CNTN4: variants seen among roughly 807,000 people sequenced by gnomAD.
The protein encoded by CNTN4 is contactin 4, also known as contactin-4.
In CNTN4, 77 loss-of-function variants were observed where a neutral mutation model predicts 122.5. The observed-to-expected ratio is 0.63, with a 90% CI of 0.52 to 0.76. CNTN4 has a LOEUF of 0.76. CNTN4 is among the 30% of genes least tolerant of loss of function. The pLI is 0.00. For missense variants in CNTN4, 1,256 were observed against 1,259.1 expected (o/e 1.00, Z 0.04); for synonymous variants, 512 against 447.0 (o/e 1.15, Z -1.83).
At chr3:2,742,438 T>A (rs1175054141) in intron 5 of CNTN4, among the ~76,000 whole-genome samples, 2 of 152,168 alleles carry the variant, frequency 1.3e-5, no homozygotes, top group Non-Finnish European at 2.9e-5. Flanking sequence ...TTGGTCGGAG[T>A]ACTTTTGCTG....
intron 3 of CNTN4, among the ~76,000 whole-genome samples, chr3:2,546,690 A>G (rs770065227): frequency 2.0e-4 from 31 of 152,282 alleles, no homozygotes; most frequent in South Asian, 1.7e-3. Context: ...CAAAGTCCCA[A>G]TGTAAGAGAC....
chr3:3,034,124 G>T (rs964829796), intron 16 of CNTN4, among the ~76,000 whole-genome samples: 1 of 152,148 alleles, frequency 6.6e-6, no homozygotes, highest in African/African-American at 2.4e-5. Context: ...AATGTGCAGA[G>T]CAACACTGTA....
chr3:2,974,810 A>C (rs1295829539), intron 13 of CNTN4, among the ~76,000 whole-genome samples: 1 of 152,218 alleles, frequency 6.6e-6, no homozygotes, highest in Non-Finnish European at 1.5e-5. Flanking sequence ...CTCTCTTAGA[A>C]ATATTATGAA....
At chr3:2,237,630 C>G (rs58223660) in intron 2 of CNTN4, among the ~76,000 whole-genome samples, 1 of 151,784 alleles carries the variant, frequency 6.6e-6, no homozygotes, top group Non-Finnish European at 1.5e-5. Context: ...TTAATATAAC[C>G]TTCTTGAAGG....
intron 3 of CNTN4, among the ~76,000 whole-genome samples, chr3:2,473,760 C>G (rs757165036): frequency 1.3e-5 from 2 of 152,116 alleles, no homozygotes; most frequent in East Asian, 3.9e-4. Context: ...TGACTGTAAT[C>G]CCAGCACTTT....
intron 7 of CNTN4, among the ~76,000 whole-genome samples, chr3:2,821,835 T>C (rs763804665): frequency 6.6e-6 from 1 of 152,244 alleles, no homozygotes; most frequent in Non-Finnish European, 1.5e-5. Context: ...TTCTTGTTAT[T>C]GCCTTAATTT....
chr3:2,238,813 C>T lies in CNTN4; in HGVS notation c.-144-100365C>T, dbSNP rs560208801. ...CGCCATCTCGGCTCACTGCAAGCTC[C>T]GCCTCCCGGGTTCCCGCCATTCTCC... On this transcript the variant is annotated intron_variant, in intron 2 of 24. Transcript: ENST00000418658. 49 of 107,726 alleles carry T rather than the reference C, an allele frequency of 4.5e-4. 4 individuals are homozygous for T. The highest frequency in any genetic ancestry group is 1.4e-3 in the African/African-American group (44 of 31,920). The allele number at this position is 107,726 out of a possible 1,614,324, so 6.7% of individuals were successfully genotyped here.
At chr3:2,432,885 T>C (rs981291881) in intron 3 of CNTN4, among the ~76,000 whole-genome samples, 4 of 150,954 alleles carry the variant, frequency 2.6e-5, no homozygotes, top group Admixed American at 1.3e-4. Context: ...CTTGGTTCAC[T>C]GCAGCATCCA....
chr3:2,588,375 T>C (rs904067408), intron 4 of CNTN4, among the ~76,000 whole-genome samples: 3 of 152,142 alleles, frequency 2.0e-5, no homozygotes, highest in African/African-American at 7.2e-5. Flanking sequence ...TGTTTGTTTG[T>C]TTGTTTTTTG....
chr3:2,688,969 TGA>T (rs2149172450), intron 4 of CNTN4, among the ~76,000 whole-genome samples: 1 of 152,270 alleles, frequency 6.6e-6, no homozygotes, highest in East Asian at 1.9e-4. Flanking sequence ...ATGTAGCACC[TGA>T]GAATTACAGA....
At chr3:2,906,412 T>C (rs891542858) in intron 12 of CNTN4, among the ~76,000 whole-genome samples, 23 of 152,344 alleles carry the variant, frequency 1.5e-4, no homozygotes, top group African/African-American at 5.1e-4. Flanking sequence ...CTACAACGTA[T>C]ATAAATACTT....
chr3:2,139,985 A>G (rs1405793308), intron 2 of CNTN4, among the ~76,000 whole-genome samples: 1 of 152,168 alleles, frequency 6.6e-6, no homozygotes, highest in Non-Finnish European at 1.5e-5. Flanking sequence ...TGAATCATGG[A>G]CACAGGTCTT....
chr3:3,037,429 T>G, intron 18 of CNTN4, 101 bp downstream of exon 18: 1 of 1,484,010 alleles, frequency 6.7e-7, no homozygotes, highest in Middle Eastern at 1.8e-4. Flanking sequence ...TGCGGCTCTG[T>G]GTTAGCTCAC....
At chr3:2,371,704 A>G (rs1192474674) in intron 3 of CNTN4, among the ~76,000 whole-genome samples, 1 of 152,190 alleles carries the variant, frequency 6.6e-6, no homozygotes. Flanking sequence ...TTCATGTAAC[A>G]TATATTTTTG....
chr3:2,721,565 C>T (rs997931284), intron 4 of CNTN4, among the ~76,000 whole-genome samples: 1 of 152,108 alleles, frequency 6.6e-6, no homozygotes, highest in Non-Finnish European at 1.5e-5. Context: ...ACACCTACTG[C>T]TGTGTGCATA....
In CNTN4 at chr3:2,778,158, G is replaced by C. The variant is rs547534608; in HGVS notation, c.358+32461G>C. Among the ~76,000 whole-genome samples, 85 of 140,750 alleles carry C rather than the reference G, an allele frequency of 6.0e-4. 10 individuals carry two copies. The highest frequency in any genetic ancestry group is 2.2e-3 in the African/African-American group (81 of 36,838). The allele number at this position is 140,750 out of a possible 152,430, so 92.3% of individuals were successfully genotyped here. On this transcript the variant is annotated intron_variant, in intron 6 of 24. Coordinates refer to ENST00000418658, the MANE Select transcript of CNTN4 (RefSeq NM_175607.3). ...GAACCCAGGAAGCGGAGCTTGTGGT[G>C]AGCCGAGATCGCGCCACTGCACTCC...
chr3:3,027,155 C>G (rs925317505), intron 15 of CNTN4, among the ~76,000 whole-genome samples: 1 of 152,174 alleles, frequency 6.6e-6, no homozygotes, highest in African/African-American at 2.4e-5. Context: ...ATTTTCCACC[C>G]AACTACAGTA....
At position 2,698,881 on chromosome 3, in the gene CNTN4, G is replaced by A. The variant is rs528816530; in HGVS notation, c.56-37334G>A. Among the ~76,000 whole-genome samples, 5 of 152,280 alleles carry A rather than the reference G, an allele frequency of 3.3e-5. No homozygotes were observed. The South Asian group carries it at 1.0e-3, about 32-fold the overall frequency. On this transcript the variant is annotated intron_variant, in intron 4 of 24. Transcript: ENST00000418658. ...AAAAATACAAAACAAAAATTAGCCA[G>A]GTGTGGTGGCAGGCTCCTGTAATCC... is the stretch of plus-strand genomic sequence containing the variant.
At chr3:2,680,234 C>T (rs1472313299) in intron 4 of CNTN4, among the ~76,000 whole-genome samples, 1 of 152,134 alleles carries the variant, frequency 6.6e-6, no homozygotes, top group East Asian at 1.9e-4. Flanking sequence ...CATAGCAAAT[C>T]AGCCAAGCGA....
Sources: allele counts gnomAD v4.1 joint callset (sites outside exome capture counted in the v4.1 genomes callset), GRCh38; gene constraint gnomAD v4.1.1; transcripts MANE v1.5; gene names NCBI Gene and HGNC (gene_info 2026-07-23, HGNC 2026-07-21).